GRM3: variants seen among roughly 807,000 people sequenced by gnomAD.
The protein encoded by GRM3 is glutamate metabotropic receptor 3.
GRM3 carries 26 observed loss-of-function variants against 70.5 expected under a neutral mutation model. That is an observed-to-expected ratio of 0.37 (90% CI 0.27 to 0.51). The LOEUF (loss-of-function observed/expected upper bound fraction) is 0.51. Among genes scored for constraint, GRM3 ranks in the 20% least tolerant of loss-of-function variants. The probability of loss-of-function intolerance (pLI) is 0.93; values close to 1 mark genes in which losing one functional copy is unlikely to be tolerated. For synonymous variants in GRM3, 443 were observed against 434.9 expected (o/e 1.02, Z -0.23); for missense variants, 859 against 1,123.8 (o/e 0.76, Z 3.37).
At chr7:86,780,115 G>C (rs6965999) in intron 2 of GRM3, among the ~76,000 whole-genome samples, 37,925 of 151,972 alleles carry the variant, frequency 0.25, 4,791 homozygotes, top group Middle Eastern at 0.3. Flanking sequence ...TCTTAATCCA[G>C]TCTATCATTG....
chr7:86,757,587 C>G (rs1367615462), intron 1 of GRM3, among the ~76,000 whole-genome samples: 3 of 152,140 alleles, frequency 2.0e-5, no homozygotes, highest in South Asian at 2.1e-4. Flanking sequence ...TGTGGATGAC[C>G]ACTCAGATCT....
chr7:86,858,297 G>A (rs1032521574), intron 5 of GRM3, among the ~76,000 whole-genome samples: 6 of 152,048 alleles, frequency 3.9e-5, no homozygotes, highest in Admixed American at 1.3e-4. Flanking sequence ...GGCAACAATG[G>A]AGGGAAGTAT....
At chr7:86,716,331 A>C (rs755772125) in intron 1 of GRM3, among the ~76,000 whole-genome samples, 2 of 151,926 alleles carry the variant, frequency 1.3e-5, no homozygotes, top group Middle Eastern at 3.2e-3. Context: ...AGAAACAAAC[A>C]TTTACTGAGT....
chr7:86,681,759 G>C (rs908796706), intron 1 of GRM3, among the ~76,000 whole-genome samples: 1 of 152,088 alleles, frequency 6.6e-6, no homozygotes, highest in African/African-American at 2.4e-5. Flanking sequence ...TCATCTTCAT[G>C]ATTTCAACAA....
At position 86,786,113 on chromosome 7, in the gene GRM3, A is replaced by G. The variant is rs985381142; in HGVS notation, c.469-148A>G. On this transcript the variant is annotated intron_variant, in intron 2 of 5. Transcript: ENST00000361669. This position sits in a 1 kb window ranked among gnomAD's most constrained non-coding sequence, Gnocchi z 6.0. Reference sequence around the variant, plus strand: ...TACAGTATCCAAGGAAGCATCTGGTATTCATCTCAAGAACTAACAGAAAAA... The same window carrying G: ...TACAGTATCCAAGGAAGCATCTGGTGTTCATCTCAAGAACTAACAGAAAAA... The G allele has an allele frequency of 2.0e-5, 14 of 697,562 alleles. No individual in the cohort carries two copies. The Admixed American group carries it at 2.1e-4, about 10-fold the overall frequency. The allele number at this position is 697,562 out of a possible 1,614,324, so 43.2% of individuals were successfully genotyped here.
At chr7:86,850,201 C>T (rs940621818) in intron 4 of GRM3, among the ~76,000 whole-genome samples, 169 bp from the exon 5 acceptor site, 11 of 152,166 alleles carry the variant, frequency 7.2e-5, no homozygotes, top group Non-Finnish European at 1.6e-4. Flanking sequence ...TCCAAGACTA[C>T]CCCAAACATA....
intron 5 of GRM3, among the ~76,000 whole-genome samples, chr7:86,861,531 C>A (rs1798958505): frequency 6.6e-6 from 1 of 152,098 alleles, no homozygotes; most frequent in Non-Finnish European, 1.5e-5. Flanking sequence ...AATTAAGTGG[C>A]CTGATGACTA....
chr7:86,800,376 TTAAA>T (rs1395046888), intron 3 of GRM3, among the ~76,000 whole-genome samples: 1 of 151,926 alleles, frequency 6.6e-6, no homozygotes, highest in Non-Finnish European at 1.5e-5. Flanking sequence ...AAAAAAATAA[TTAAA>T]TAGATAGACT....
intron 1 of GRM3, among the ~76,000 whole-genome samples, chr7:86,693,829 A>G (rs566044795): frequency 6.6e-6 from 1 of 152,348 alleles, no homozygotes; most frequent in East Asian, 1.9e-4. Flanking sequence ...AAGTACCAGA[A>G]AGTAAAAACT....
chr7:86,817,112 G>C (rs1006005480), intron 3 of GRM3, among the ~76,000 whole-genome samples: 1 of 151,866 alleles, frequency 6.6e-6, no homozygotes, highest in African/African-American at 2.4e-5. Flanking sequence ...GCAGAGCTTA[G>C]GGGAAATGAA....
intron 1 of GRM3, among the ~76,000 whole-genome samples, chr7:86,711,714 GT>G (rs1795204814): frequency 6.6e-6 from 1 of 152,056 alleles, no homozygotes; most frequent in Non-Finnish European, 1.5e-5. Context: ...TAATTACACT[GT>G]CCTAAGCCAG....
At chr7:86,660,003 CA>C (rs979264413) in intron 1 of GRM3, among the ~76,000 whole-genome samples, 21 of 152,110 alleles carry the variant, frequency 1.4e-4, no homozygotes, top group African/African-American at 5.1e-4. Flanking sequence ...AATCATTGGT[CA>C]GGAAAGAAAA....
At chr7:86,827,490 G>A (rs1386283558) in intron 3 of GRM3, among the ~76,000 whole-genome samples, 4 of 151,264 alleles carry the variant, frequency 2.6e-5, no homozygotes, top group Admixed American at 6.6e-5. Flanking sequence ...GTCATATCTG[G>A]AAAATATAAA....
intron 1 of GRM3, among the ~76,000 whole-genome samples, chr7:86,689,095 G>A (rs1266161610): frequency 1.3e-5 from 2 of 150,912 alleles, no homozygotes; most frequent in African/African-American, 4.8e-5. Flanking sequence ...ACAAAAGGTC[G>A]AAAGGGAACC....
chr7:86,678,230 T>C (rs1415738238), intron 1 of GRM3, among the ~76,000 whole-genome samples: 3 of 152,136 alleles, frequency 2.0e-5, no homozygotes, highest in East Asian at 3.9e-4. Flanking sequence ...TTAGTAAATA[T>C]ATCTTTCATA....
chr7:86,780,823 A>G (rs1797034830), intron 2 of GRM3, among the ~76,000 whole-genome samples: 1 of 152,238 alleles, frequency 6.6e-6, no homozygotes, highest in Non-Finnish European at 1.5e-5. Context: ...AGACTGACAA[A>G]TGAAAAGCAT....
intron 3 of GRM3, among the ~76,000 whole-genome samples, chr7:86,834,249 T>A (rs762177043): frequency 5.3e-5 from 8 of 152,218 alleles, no homozygotes; most frequent in Non-Finnish European, 1.0e-4. Flanking sequence ...GGTGTTCACT[T>A]TGCCTTTCAA....
At chr7:86,671,813 A>T (rs1015716442) in intron 1 of GRM3, among the ~76,000 whole-genome samples, 3 of 152,118 alleles carry the variant, frequency 2.0e-5, no homozygotes, top group Non-Finnish European at 4.4e-5. Flanking sequence ...TTTATCCTGA[A>T]TTATCTGAAC....
chr7:86,647,672 T>C (rs1159788921), intron 1 of GRM3, among the ~76,000 whole-genome samples: 1 of 152,176 alleles, frequency 6.6e-6, no homozygotes, highest in Non-Finnish European at 1.5e-5. Context: ...TTAGATGAAT[T>C]TGTTGAAATT....
Sources: gnomAD v4.1 joint callset for allele counts (sites outside exome capture counted in the v4.1 genomes callset) on GRCh38, gnomAD v4.1.1 for gene constraint, Gnocchi (gnomAD v3.1) non-coding constraint, MANE v1.5 for transcripts, NCBI Gene and HGNC (gene_info 2026-07-23, HGNC 2026-07-21) for gene names.